The following GOLGB1 variants were observed in gnomAD, a reference collection of about 807,000 sequenced individuals.
GOLGB1 encodes the protein golgin subfamily B member 1.
A neutral mutation model predicts 336.9 loss-of-function variants in GOLGB1; 174 were observed. That is an observed-to-expected ratio of 0.52 (90% CI 0.46 to 0.59). GOLGB1 has a LOEUF of 0.59. GOLGB1 is among the 20% of genes least tolerant of loss of function. The pLI is 0.00. For missense variants in GOLGB1, 3,331 were observed against 3,645.3 expected, an observed-to-expected ratio of 0.91 and a Z score of 2.22; for synonymous variants, 1,208 against 1,289.2, an observed-to-expected ratio of 0.94 and a Z score of 1.35.
Position 121,692,016 on chromosome 3 carries a change from G to A in GOLGB1, c.7348C>T (p.Leu2450=). ...VDKTNQLMET[L]KTIKKENIQQ... ...ATGTTTTCCTTTTTGATGGTTTTCA[G>A]TGTTTCCATAAGCTGATTGGTTTTA... Residue 2450 remains leucine, a synonymous_variant, in exon 14 of 22, where the codon CTG becomes TTG. Coordinates refer to ENST00000614479, the MANE Select transcript of GOLGB1 (RefSeq NM_001366282.2). The A allele has an allele frequency of 1.2e-6, 2 of 1,613,534 alleles. No homozygotes were observed. Among genetic ancestry groups the A allele is most frequent in the Non-Finnish European group, 1.7e-6 (2 of 1,179,784 alleles).
intron 10 of GOLGB1, among the ~76,000 whole-genome samples, chr3:121,710,442 T>A (rs540017752): frequency 9.1e-4 from 139 of 152,244 alleles, no homozygotes; most frequent in African/African-American, 3.3e-3. Context: ...TCACAAAATA[T>A]TAGCAAATCA....
At chr3:121,727,318 ATATTTTTTTTT>A (rs1224843699) in intron 4 of GOLGB1, among the ~76,000 whole-genome samples, 12 of 33,472 alleles carry the variant, frequency 3.6e-4, no homozygotes, top group African/African-American at 1.1e-3. Context: ...ATATATATAT[ATATTTTTTTTT>A]TTTTTTTTTT....
intron 10 of GOLGB1, among the ~76,000 whole-genome samples, chr3:121,706,377 A>G (rs1429235704): frequency 6.6e-6 from 1 of 151,894 alleles, no homozygotes; most frequent in Admixed American, 6.6e-5. Context: ...GCTCAAAAAC[A>G]GTGGTAAAAT....
In GOLGB1 at chr3:121,690,830, C is replaced by T. The variant is rs1171433475; in HGVS notation, c.8534G>A (p.Ser2845Asn). ...CAGGTGATCTCTCTCATTCTGCAGA[C>T]TGGCCATAGCCTTGGAAAAGGACTG... ...QVQSFSKAMASLQNERDHLWN... is the reference protein window; with the variant it reads ...QVQSFSKAMANLQNERDHLWN... Residue 2845 changes from serine (S) to asparagine (N), a missense_variant, in exon 14 of 22, where the codon AGT (serine) becomes AAT (asparagine). Coordinates refer to ENST00000614479, the MANE Select transcript of GOLGB1 (RefSeq NM_001366282.2). 4 of 1,610,044 alleles carry T rather than the reference C, an allele frequency of 2.5e-6. No individual in the cohort carries two copies. The highest frequency in any genetic ancestry group is 3.4e-6 in the Non-Finnish European group (4 of 1,178,516).
chr3:121,698,797 C>T lies in GOLGB1; in HGVS notation c.1726G>A (p.Glu576Lys). 6.2e-7 allele frequency: 1 copy of T among 1,613,656 alleles called. No individual in the cohort carries two copies. The highest frequency in any genetic ancestry group is 8.5e-7 in the Non-Finnish European group (1 of 1,179,730). Residue 576 changes from glutamate to lysine, a missense_variant, in exon 13 of 22, where the codon GAG (glutamate) becomes AAG (lysine). By Grantham distance (56) the Glu-to-Lys change is moderately conservative. Transcript: ENST00000614479. ...TGTAATTTAAGAAATGCAATTTCCT[C>T]TTGAGCTTCTTTCATTTCCAACAAT... ...VLLLEMKEAQEEIAFLKLQLQ... is the reference protein window; with the variant it reads ...VLLLEMKEAQKEIAFLKLQLQ...
chr3:121,695,042 G>A lies in GOLGB1; in HGVS notation c.5481C>T (p.Asn1827=). 1 of 1,614,030 alleles carries A rather than the reference G, an allele frequency of 6.2e-7. No individual in the cohort carries two copies. Among genetic ancestry groups the A allele is most frequent in the South Asian group, 1.1e-5 (1 of 91,082 alleles). ...AGCTGAAATCCTTACTTACAGCAGGGTTGGCACTCTTCGCTGATGGAACCG... is the reference window on the plus strand; with the variant it reads ...AGCTGAAATCCTTACTTACAGCAGGATTGGCACTCTTCGCTGATGGAACCG... ...SESVPSAKSA[N]PAVSKDFSSH... Residue 1827 remains asparagine (N), a synonymous_variant, in exon 13 of 22, where the codon AAC becomes AAT. Coordinates refer to ENST00000614479, the MANE Select transcript of GOLGB1 (RefSeq NM_001366282.2).
At chr3:121,673,683 ATTGC>A (rs1331440428) in intron 17 of GOLGB1, among the ~76,000 whole-genome samples, 4 of 141,600 alleles carry the variant, frequency 2.8e-5, no homozygotes, top group African/African-American at 8.0e-5. Context: ...TATAAATGGG[ATTGC>A]TATCTATCTA....
intron 14 of GOLGB1, among the ~76,000 whole-genome samples, chr3:121,684,127 CAAAAAA>C (rs61510295): frequency 0.011 from 119 of 10,880 alleles, no homozygotes; most frequent in African/African-American, 0.046. Flanking sequence ...GACGCCGTCT[CAAAAAA>C]AAAAAAAAAA....
At chr3:121,737,434 C>T (rs910344897) in intron 1 of GOLGB1, among the ~76,000 whole-genome samples, 38 of 151,962 alleles carry the variant, frequency 2.5e-4, no homozygotes, top group Non-Finnish European at 5.9e-5. Context: ...GGGTGGATCA[C>T]GAGGTCAGGA....
Position 121,694,412 on chromosome 3 carries a change from T to C in GOLGB1, c.6111A>G (p.Gln2037=), listed in dbSNP as rs1446791889. The stretch of plus-strand genomic sequence containing the variant: ...TTCTCTCCAGAGCACTAATTTTCTC[T>C]TGATACCTGATGCAGTCCTTCTGTA... ...KQLQKDCIRY[Q]EKISALERTV... The change falls in exon 13 of 22, where the codon CAA becomes CAG. Residue 2037 remains glutamine, a synonymous_variant. Transcript: ENST00000614479. 8 of 1,613,294 alleles carry C rather than the reference T, an allele frequency of 5.0e-6. No individual in the cohort carries two copies. Among genetic ancestry groups the C allele is most frequent in the African/African-American group, 1.3e-5 (1 of 75,040 alleles).
chr3:121,673,181 G>A (rs1336258527), intron 17 of GOLGB1, among the ~76,000 whole-genome samples: 3 of 151,204 alleles, frequency 2.0e-5, no homozygotes, highest in Non-Finnish European at 2.9e-5. Context: ...GCAATTCTCT[G>A]CCTCAGTCTC....
In GOLGB1 at chr3:121,703,860, T is replaced by C. The variant is rs370552663; in HGVS notation, c.1405-1265A>G. On this transcript the variant is annotated intron_variant, in intron 10 of 21. Coordinates refer to ENST00000614479, the MANE Select transcript of GOLGB1 (RefSeq NM_001366282.2). Reference sequence around the variant, plus strand: ...TTTTGTAAGTAGCAAACAAGAATTTTAATAAAGAAGCTATTATATCTATGC... The same window carrying C: ...TTTTGTAAGTAGCAAACAAGAATTTCAATAAAGAAGCTATTATATCTATGC... Among the ~76,000 whole-genome samples the C allele has an allele frequency of 5.3e-5, 8 of 152,236 alleles. No homozygotes were observed. The East Asian group carries it at 1.3e-3, about 26-fold the overall frequency.
At chr3:121,703,874 T>C (rs1176581546) in intron 10 of GOLGB1, among the ~76,000 whole-genome samples, 2 of 152,094 alleles carry the variant, frequency 1.3e-5, no homozygotes, top group East Asian at 3.8e-4. Flanking sequence ...AAAGAAGCTA[T>C]TATATCTATG....
In GOLGB1 at chr3:121,698,523, T is replaced by C; in HGVS notation, c.2000A>G (p.Lys667Arg). The change falls in exon 13 of 22, where the codon AAA becomes AGA. Residue 667 changes from lysine (K) to arginine (R), a missense_variant. Physicochemically the swap from Lys to Arg is conservative, Grantham distance 26. Coordinates refer to ENST00000614479, the MANE Select transcript of GOLGB1 (RefSeq NM_001366282.2). ...TTTATCACCATCCTGCTTTGTTGAT[T>C]TCAATTCTACTCCAGCATCATTTAA... is the stretch of plus-strand genomic sequence containing the variant. ...ISLNDAGVEL[K>R]STKQDGDKSL... The C allele has an allele frequency of 6.2e-7, 1 of 1,613,760 alleles. No individual in the cohort carries two copies.
At chr3:121,737,212 C>T (rs776046607) in intron 1 of GOLGB1, among the ~76,000 whole-genome samples, 18 of 152,204 alleles carry the variant, frequency 1.2e-4, no homozygotes, top group Non-Finnish European at 2.5e-4. Context: ...TCAGTGTCAA[C>T]TGCTAGTCCA....
chr3:121,682,486 C>A (rs1941193128), intron 14 of GOLGB1, among the ~76,000 whole-genome samples: 1 of 151,990 alleles, frequency 6.6e-6, no homozygotes, highest in Non-Finnish European at 1.5e-5. Flanking sequence ...AATTATAGTA[C>A]CTTTTTCATA....
At chr3:121,734,392 G>GAAAAAAAAAAAAAAAAAAAAAAAAAAA (rs34906801) in intron 1 of GOLGB1, among the ~76,000 whole-genome samples, 3 of 107,254 alleles carry the variant, frequency 2.8e-5, no homozygotes, top group Non-Finnish European at 1.8e-5. Flanking sequence ...TCTGTCTCGG[G>GAAAAAAAAAAAAAAAAAAAAAAAAAAA]AAAAAAAAAA....
Position 121,673,696 on chromosome 3 carries a change from T to C in GOLGB1, c.9177+3197A>G, listed in dbSNP as rs80171927. Among the ~76,000 whole-genome samples the C allele has an allele frequency of 1.0e-3, 129 of 124,774 alleles. 1 individual carries two copies. In the South Asian group the frequency reaches 0.022, roughly 21 times the overall value. The allele number at this position is 124,774 out of a possible 152,430, so 81.9% of individuals were successfully genotyped here. ...ATTATAAATGGGATTGCTATCTATC[T>C]ATCTATCTATCTATCTATCTATCTA... On this transcript the variant is annotated intron_variant, in intron 17 of 21. Transcript: ENST00000614479.
At position 121,668,083 on chromosome 3, in the gene GOLGB1, C is replaced by T. The variant is rs201193439; in HGVS notation, c.9397G>A (p.Glu3133Lys). The T allele has an allele frequency of 1.9e-6, 3 of 1,603,018 alleles. No individual in the cohort carries two copies. Among genetic ancestry groups the T allele is most frequent in the Admixed American group, 3.4e-5 (2 of 58,778 alleles). Reference sequence around the variant, plus strand: ...TACCTTTGCTGCGGTTCCCTTAGTTCCTCAGGGTCACTCTTTCTGTGAACT... The same window carrying T: ...TACCTTTGCTGCGGTTCCCTTAGTTTCTCAGGGTCACTCTTTCTGTGAACT... ...NGVHRKSDPEELREPQQSFSE... is the reference protein window; with the variant it reads ...NGVHRKSDPEKLREPQQSFSE... Residue 3133 changes from glutamate to lysine, a missense_variant, in exon 19 of 22, where the codon GAA becomes AAA. By Grantham distance (56) the Glu-to-Lys change is moderately conservative. Transcript: ENST00000614479.
Sources: allele counts gnomAD v4.1 joint callset (sites outside exome capture counted in the v4.1 genomes callset), GRCh38; gene constraint gnomAD v4.1.1; transcripts MANE v1.5; gene names NCBI Gene and HGNC (gene_info 2026-07-23, HGNC 2026-07-21).